SNX29: variants seen among roughly 807,000 people sequenced by gnomAD.
SNX29 encodes sorting nexin 29.
SNX29 carries 78 observed loss-of-function variants against 102.1 expected under a neutral mutation model. The observed-to-expected ratio is 0.76, with a 90% CI of 0.64 to 0.92. The LOEUF is 0.92. Among genes scored for constraint, SNX29 ranks in the 40% least tolerant of loss-of-function variants. The pLI is 0.00. For missense variants in SNX29, 1,280 were observed against 1,061.7 expected (o/e 1.21, Z -2.86); for synonymous variants, 580 against 414.5 (o/e 1.40, Z -4.85).
In SNX29 at chr16:12,306,086, C is replaced by G. The variant is rs1026934245; in HGVS notation, c.1782+28050C>G. On this transcript the variant is annotated intron_variant, in intron 15 of 20. Transcript: ENST00000566228. ...CCAGGCACCTGCATGTAAAACCATT[C>G]ATCCTCATGATCATATGAGGGGCCC... Among the ~76,000 whole-genome samples the G allele has an allele frequency of 7.9e-5, 12 of 151,860 alleles. 1 individual carries two copies. Among genetic ancestry groups the G allele is most frequent in the Admixed American group, 7.2e-4 (11 of 15,240 alleles).
At chr16:12,337,322 T>C (rs2081480821) in intron 15 of SNX29, among the ~76,000 whole-genome samples, 1 of 152,012 alleles carries the variant, frequency 6.6e-6, no homozygotes, top group African/African-American at 2.4e-5. Context: ...GGATTTAAGG[T>C]ATGCAATGCG....
At chr16:12,388,128 G>A (rs1000267349) in intron 16 of SNX29, among the ~76,000 whole-genome samples, 2 of 152,210 alleles carry the variant, frequency 1.3e-5, no homozygotes, top group African/African-American at 4.8e-5. Flanking sequence ...GAGCTTTAGG[G>A]CTTCCTTCTT....
intron 11 of SNX29, among the ~76,000 whole-genome samples, chr16:12,116,803 G>C (rs1392145261): frequency 6.6e-6 from 1 of 152,218 alleles, no homozygotes; most frequent in Non-Finnish European, 1.5e-5. Flanking sequence ...CTTCAACGCG[G>C]ACGAACCGTG....
chr16:12,419,924 A>G (rs1234410210), intron 18 of SNX29, among the ~76,000 whole-genome samples: 2 of 152,208 alleles, frequency 1.3e-5, no homozygotes, highest in Non-Finnish European at 2.9e-5. Context: ...ATGGTGTTTA[A>G]CTGGCCAAAA....
At chr16:12,177,513 C>T (rs545319824) in intron 13 of SNX29, among the ~76,000 whole-genome samples, 1 of 152,234 alleles carries the variant, frequency 6.6e-6, no homozygotes, top group Admixed American at 6.5e-5. Context: ...ATGAAAGTTA[C>T]ACCTATCATC....
At chr16:12,135,536 C>T in intron 13 of SNX29, 1 of 1,322,046 alleles carries the variant, frequency 7.6e-7, no homozygotes, top group African/African-American at 1.5e-5. Context: ...GTTCTCTTTG[C>T]TATTTTGTTG....
intron 9 of SNX29, among the ~76,000 whole-genome samples, chr16:12,066,290 G>A (rs2051033937): frequency 6.6e-6 from 1 of 152,162 alleles, no homozygotes. Flanking sequence ...TTTGGACCAC[G>A]GGGCAGTGGA....
chr16:12,440,814 C>G (rs556335850), intron 18 of SNX29, among the ~76,000 whole-genome samples: 1 of 152,294 alleles, frequency 6.6e-6, no homozygotes, highest in Non-Finnish European at 1.5e-5. Context: ...TGTATATGTA[C>G]CACGTTTTCT....
chr16:12,380,152 T>C (rs533979798), intron 16 of SNX29, among the ~76,000 whole-genome samples: 8 of 136,232 alleles, frequency 5.9e-5, no homozygotes, highest in Admixed American at 4.1e-4. Context: ...GAAGAGTCCT[T>C]AGCTGACCTA....
In SNX29 at chr16:12,184,294, A is replaced by C. The variant is rs187966303; in HGVS notation, c.1596-15307A>C. On this transcript the variant is annotated intron_variant, in intron 13 of 20. Transcript: ENST00000566228. ...CCATTTCTTCCCAAGTCAGGATCCA[A>C]ACAAGGTTTGTATGTTAGCTTCAGC... Among the ~76,000 whole-genome samples, 17 of 152,294 alleles carry C rather than the reference A, an allele frequency of 1.1e-4. No individual in the cohort carries two copies. In the East Asian group the frequency reaches 3.3e-3, roughly 29 times the overall value.
intron 20 of SNX29, among the ~76,000 whole-genome samples, chr16:12,544,247 C>G (rs574231674): frequency 6.6e-6 from 1 of 151,084 alleles, no homozygotes; most frequent in Non-Finnish European, 1.5e-5. Context: ...TTGAAACTAA[C>G]TTACCCAGAT....
chr16:12,237,965 C>T (rs2077987277), intron 14 of SNX29, among the ~76,000 whole-genome samples: 2 of 152,122 alleles, frequency 1.3e-5, no homozygotes, highest in African/African-American at 4.8e-5. Flanking sequence ...TTTCATGATG[C>T]AGTGGCCACA....
intron 1 of SNX29, among the ~76,000 whole-genome samples, chr16:11,997,709 T>A (rs1011176671): frequency 1.3e-5 from 2 of 152,158 alleles, no homozygotes; most frequent in African/African-American, 4.8e-5. Flanking sequence ...AAACTCCTGA[T>A]GTCAAGCAAT....
At chr16:12,545,589 C>G (rs893341472) in intron 20 of SNX29, 2 of 152,246 alleles carry the variant, frequency 1.3e-5, no homozygotes, top group African/African-American at 2.4e-5. Context: ...CCCATTTCCT[C>G]TGGAATCCAG....
At chr16:12,515,233 C>CTGTT (rs1186102173) in intron 19 of SNX29, among the ~76,000 whole-genome samples, 2 of 152,178 alleles carry the variant, frequency 1.3e-5, no homozygotes, top group African/African-American at 4.8e-5. Context: ...CTTTGTCACA[C>CTGTT]TGTTTTGTAA....
At chr16:12,240,828 TCTG>T (rs1391073858) in intron 14 of SNX29, among the ~76,000 whole-genome samples, 1 of 151,976 alleles carries the variant, frequency 6.6e-6, no homozygotes, top group Non-Finnish European at 1.5e-5. Flanking sequence ...CTGGTCTCCA[TCTG>T]CTGACCTCAA....
At chr16:12,175,768 T>A (rs1214022920) in intron 13 of SNX29, among the ~76,000 whole-genome samples, 17 of 151,856 alleles carry the variant, frequency 1.1e-4, no homozygotes. Context: ...TTTGGGAGGC[T>A]GAGGCAGGAG....
chr16:12,040,777 A>G (rs1054578706), intron 4 of SNX29, among the ~76,000 whole-genome samples: 2 of 152,262 alleles, frequency 1.3e-5, no homozygotes, highest in African/African-American at 2.4e-5. Flanking sequence ...ATGAATCAGG[A>G]TACAAAATTA....
At chr16:12,563,476 C>G (rs1014217760) in intron 20 of SNX29, among the ~76,000 whole-genome samples, 2 of 152,162 alleles carry the variant, frequency 1.3e-5, no homozygotes, top group Non-Finnish European at 2.9e-5. Context: ...GTAAAAGGCT[C>G]AAGGAATAGG....
Sources: allele counts gnomAD v4.1 joint callset (sites outside exome capture counted in the v4.1 genomes callset), GRCh38; gene constraint gnomAD v4.1.1; transcripts MANE v1.5; gene names NCBI Gene and HGNC (gene_info 2026-07-23, HGNC 2026-07-21).